Variants in SNN observed in about 807,000 individuals in gnomAD.
The protein encoded by SNN is AG8_1.
SNN carries 5 observed loss-of-function variants against 5.3 expected under a neutral mutation model. That is an observed-to-expected ratio of 0.94 (90% CI 0.49 to 1.97). SNN has a LOEUF of 1.97. Among genes scored for constraint, SNN ranks in the 30% most tolerant of loss-of-function variants. SNN has a pLI of 0.01. For synonymous variants in SNN, 67 were observed against 52.1 expected (o/e 1.29, Z -1.24); for missense variants, 127 against 121.6 (o/e 1.04, Z -0.21).
At chr16:11,675,451 G>C (rs2050294865) in intron 1 of SNN, among the ~76,000 whole-genome samples, 1 of 151,986 alleles carries the variant, frequency 6.6e-6, no homozygotes, top group Non-Finnish European at 1.5e-5. Flanking sequence ...TATTTTAGTA[G>C]ATACGAGGTT....
chr16:11,675,881 C>A, intron 1 of SNN, 94 bp from the exon 2 acceptor site: 1 of 634,878 alleles, frequency 1.6e-6, no homozygotes, highest in Non-Finnish European at 2.6e-6. Flanking sequence ...TGCTTTTTGT[C>A]AGGGTGAGGG....
rs1205977223 is a variant in SNN at position 11,668,459 on chromosome 16, G to A, written c.-167G>A. The A allele has an allele frequency of 1.4e-5, 2 of 146,380 alleles. No individual in the cohort carries two copies. The highest frequency in any genetic ancestry group is 3.0e-5 in the Non-Finnish European group (2 of 65,798). The allele number at this position is 146,380 out of a possible 1,614,324, so 9.1% of individuals were successfully genotyped here. A position where few individuals can be genotyped will look rare whatever the true frequency, so the allele number is the denominator to read the frequency against. On this transcript the variant is annotated 5_prime_UTR_variant, in exon 1 of 2. Transcript: ENST00000329565. The surrounding 1 kb of genome is among the most constrained non-coding windows in gnomAD (Gnocchi z 6.8). ...AGCGCGGGGCTCCTGCGTCCCGAGT[G>A]CGCGGCGGCCGGACCGGGCGGGCGG...
At position 11,678,381 on chromosome 16, in the gene SNN, G is replaced by A. The variant is rs1555478903; in HGVS notation, c.*2055G>A. On this transcript the variant is annotated 3_prime_UTR_variant, in exon 2 of 2. Transcript: ENST00000329565. ...CACAGCCAGCACATACACCTAGGCT[G>A]TTTTTCCTTCCTCCACACCTGAGGG... The A allele has an allele frequency of 6.0e-6, 1 of 167,108 alleles. No individual in the cohort carries two copies. The highest frequency in any genetic ancestry group is 1.5e-5 in the Non-Finnish European group (1 of 68,174). The allele number at this position is 167,108 out of a possible 1,614,324, so 10.4% of individuals were successfully genotyped here. A position where few individuals can be genotyped will look rare whatever the true frequency, so the allele number is the denominator to read the frequency against.
In SNN at chr16:11,676,961, C is replaced by G. The variant is rs2050308913; in HGVS notation, c.*635C>G. 1 of 167,770 alleles carries G rather than the reference C, an allele frequency of 6.0e-6. No homozygotes were observed. The allele number at this position is 167,770 out of a possible 1,614,324, so 10.4% of individuals were successfully genotyped here. Reference sequence around the variant, plus strand: ...AAGAAAAACCACACCCCCCGCACCCCTCCGTTCTTTCTGCATAGACTCACT... The same window carrying G: ...AAGAAAAACCACACCCCCCGCACCCGTCCGTTCTTTCTGCATAGACTCACT... On this transcript the variant is annotated 3_prime_UTR_variant, in exon 2 of 2. Transcript: ENST00000329565.
In SNN at chr16:11,676,734, C is replaced by G. The variant is rs567519149; in HGVS notation, c.*408C>G. On this transcript the variant is annotated 3_prime_UTR_variant, in exon 2 of 2. Coordinates refer to ENST00000329565, the MANE Select transcript of SNN (RefSeq NM_003498.6). Reference sequence around the variant, plus strand: ...AAAATATCATCTAGCGCACACGGGACTGGTATTCTGGCTGTACTAATGACA... The same window carrying G: ...AAAATATCATCTAGCGCACACGGGAGTGGTATTCTGGCTGTACTAATGACA... 5.0e-6 allele frequency: 1 copy of G among 198,938 alleles called. No individual in the cohort carries two copies. Among genetic ancestry groups the G allele is most frequent in the East Asian group, 1.3e-4 (1 of 7,738 alleles). 12.3% of individuals were successfully genotyped at this position (198,938 alleles called of 1,614,324 possible). A position where few individuals can be genotyped will look rare whatever the true frequency, so the allele number is the denominator to read the frequency against.
rs941354735 is a variant in SNN at position 11,676,540 on chromosome 16, G to A, written c.*214G>A. 9.9e-6 allele frequency: 6 copies of A among 607,050 alleles called. No homozygotes were observed. The Admixed American group carries it at 1.8e-4, about 18-fold the overall frequency. The allele number at this position is 607,050 out of a possible 1,614,324, so 37.6% of individuals were successfully genotyped here. A position where few individuals can be genotyped will look rare whatever the true frequency, so the allele number is the denominator to read the frequency against. On this transcript the variant is annotated 3_prime_UTR_variant, in exon 2 of 2. Transcript: ENST00000329565. The stretch of plus-strand genomic sequence containing the variant: ...GTGAGGCTGCCCATTGCAGGCACTG[G>A]GCAGGCCTGACCTTGCTGGGGCTCA...
In SNN at chr16:11,668,866, G is replaced by T. The variant is rs2050246070; in HGVS notation, c.-86+326G>T. ...CCCGCCCGTCCTCAGCTACGCTCCC[G>T]CCTTCCCCCGGCATTTCGGGGTTCT... is the stretch of plus-strand genomic sequence containing the variant. On this transcript the variant is annotated intron_variant, in intron 1 of 1. Coordinates refer to ENST00000329565, the MANE Select transcript of SNN (RefSeq NM_003498.6). The surrounding 1 kb of genome is among the most constrained non-coding windows in gnomAD (Gnocchi z 6.8). 2.0e-5 allele frequency among the ~76,000 whole-genome samples: 3 copies of T among 151,838 alleles called. No homozygotes were observed. The highest frequency in any genetic ancestry group is 4.4e-5 in the Non-Finnish European group (3 of 67,900).
In SNN at chr16:11,679,078, G is replaced by T; in HGVS notation, c.*2752G>T. The stretch of plus-strand genomic sequence containing the variant: ...TCAATAAATGCTGAATGACATTCAA[G>T]CTGATTTTCTAGACCACTGAGAAAA... On this transcript the variant is annotated 3_prime_UTR_variant, in exon 2 of 2. Coordinates refer to ENST00000329565, the MANE Select transcript of SNN (RefSeq NM_003498.6). The surrounding 1 kb of genome is among the most constrained non-coding windows in gnomAD (Gnocchi z 4.6). 1 of 1,105,296 alleles carries T rather than the reference G, an allele frequency of 9.0e-7. No homozygotes were observed. Among genetic ancestry groups the T allele is most frequent in the Non-Finnish European group, 1.3e-6 (1 of 781,150 alleles). 68.5% of individuals were successfully genotyped at this position (1,105,296 alleles called of 1,614,324 possible).
At chr16:11,674,525 C>T (rs543814884) in intron 1 of SNN, among the ~76,000 whole-genome samples, 3 of 152,358 alleles carry the variant, frequency 2.0e-5, no homozygotes, top group Admixed American at 1.3e-4. Flanking sequence ...CACTGTCCTC[C>T]GCCACTTGGC....
intron 1 of SNN, among the ~76,000 whole-genome samples, chr16:11,673,477 C>T (rs1357022079): frequency 2.6e-5 from 4 of 152,186 alleles, no homozygotes; most frequent in Non-Finnish European, 1.5e-5. Context: ...TGGTATTAAC[C>T]GGGTCAGGGT....
chr16:11,679,138 T>C lies in SNN; in HGVS notation c.*2812T>C, dbSNP rs979561855. 57 of 1,543,516 alleles carry C rather than the reference T, an allele frequency of 3.7e-5. No individual in the cohort carries two copies. Among genetic ancestry groups the C allele is most frequent in the Non-Finnish European group, 4.7e-5 (54 of 1,138,260 alleles). On this transcript the variant is annotated 3_prime_UTR_variant, in exon 2 of 2. Transcript: ENST00000329565. This position sits in a 1 kb window ranked among gnomAD's most constrained non-coding sequence, Gnocchi z 4.6. ...ACAATAAATTTCAATAAAATTTGCA[T>C]AAATATATTCCCAATGTACAATTTT...
At position 11,671,280 on chromosome 16, in the gene SNN, A is replaced by G. The variant is rs1487387545; in HGVS notation, c.-86+2740A>G. ...AGAGTCAGGACCCCCTTGGCAGAGG[A>G]TGGCAAGACTGAAGGCACATGGAGC... On this transcript the variant is annotated intron_variant, in intron 1 of 1. Transcript: ENST00000329565. The surrounding 1 kb of genome is among the most constrained non-coding windows in gnomAD (Gnocchi z 4.7). 6.6e-6 allele frequency among the ~76,000 whole-genome samples: 1 copy of G among 152,024 alleles called. No homozygotes were observed. The highest frequency in any genetic ancestry group is 2.4e-5 in the African/African-American group (1 of 41,378).
rs1345563907 is a variant in SNN, at chr16:11,676,636, C to A, written c.*310C>A. ...TTTTGATGGAGCTACTACTGTAATGCGTGAACTAACAAACCTGTGAACTGT... is the reference window on the plus strand; with the variant it reads ...TTTTGATGGAGCTACTACTGTAATGAGTGAACTAACAAACCTGTGAACTGT... On this transcript the variant is annotated 3_prime_UTR_variant, in exon 2 of 2. Transcript: ENST00000329565. 3 of 367,574 alleles carry A rather than the reference C, an allele frequency of 8.2e-6. No individual in the cohort carries two copies. The highest frequency in any genetic ancestry group is 1.1e-5 in the Non-Finnish European group (2 of 190,024). 22.8% of individuals were successfully genotyped at this position (367,574 alleles called of 1,614,324 possible). A position where few individuals can be genotyped will look rare whatever the true frequency, so the allele number is the denominator to read the frequency against.
intron 1 of SNN, among the ~76,000 whole-genome samples, chr16:11,669,514 G>A (rs965159062): frequency 6.6e-6 from 1 of 152,232 alleles, no homozygotes; most frequent in African/African-American, 2.4e-5. Context: ...TTGGGCAATG[G>A]ACTTAACTTC....
Position 11,672,812 on chromosome 16 carries a change from G to T in SNN, c.-85-3163G>T, listed in dbSNP as rs566669372. Among the ~76,000 whole-genome samples the T allele has an allele frequency of 6.6e-6, 1 of 151,998 alleles. No individual in the cohort carries two copies. Among genetic ancestry groups the T allele is most frequent in the Non-Finnish European group, 1.5e-5 (1 of 67,980 alleles). On this transcript the variant is annotated intron_variant, in intron 1 of 1. Transcript: ENST00000329565. This position sits in a 1 kb window ranked among gnomAD's most constrained non-coding sequence, Gnocchi z 6.0. The stretch of plus-strand genomic sequence containing the variant: ...TAGAGAATCCCTTTGAGCTGGGGCC[G>T]CCTGTGCCTCAGTTTCCTCATTAGT...
chr16:11,672,313 A>G lies in SNN; in HGVS notation c.-85-3662A>G, dbSNP rs1370736812. Among the ~76,000 whole-genome samples, 1 of 152,150 alleles carries G rather than the reference A, an allele frequency of 6.6e-6. No individual in the cohort carries two copies. Among genetic ancestry groups the G allele is most frequent in the Non-Finnish European group, 1.5e-5 (1 of 68,020 alleles). Reference sequence around the variant, plus strand: ...TGAGCCTAGAGAAGGGCAGGTAGCAAGGAGAGCAAATGAAGTAGGGCAAGG... The same window carrying G: ...TGAGCCTAGAGAAGGGCAGGTAGCAGGGAGAGCAAATGAAGTAGGGCAAGG... On this transcript the variant is annotated intron_variant, in intron 1 of 1. Transcript: ENST00000329565. The surrounding 1 kb of genome is among the most constrained non-coding windows in gnomAD (Gnocchi z 6.0).
At chr16:11,673,591 C>T (rs1242868542) in intron 1 of SNN, among the ~76,000 whole-genome samples, 2 of 152,184 alleles carry the variant, frequency 1.3e-5, no homozygotes, top group African/African-American at 4.8e-5. Context: ...GTGCCACCTG[C>T]CCCCAGTTGT....
chr16:11,676,020 C>T lies in SNN; in HGVS notation c.-40C>T. Reference sequence around the variant, plus strand: ...GTTCCAGCCTCACTGAGTGGCCACCCCCAAAGTGCTGCCAGCCGAGGAAGC... The same window carrying T: ...GTTCCAGCCTCACTGAGTGGCCACCTCCAAAGTGCTGCCAGCCGAGGAAGC... On this transcript the variant is annotated 5_prime_UTR_variant, in exon 2 of 2. Transcript: ENST00000329565. 6.5e-7 allele frequency: 1 copy of T among 1,542,192 alleles called. No homozygotes were observed. The highest frequency in any genetic ancestry group is 1.2e-5 in the South Asian group (1 of 80,974).
intron 1 of SNN, among the ~76,000 whole-genome samples, chr16:11,674,983 C>G (rs1200635328): frequency 6.6e-6 from 1 of 152,192 alleles, no homozygotes; most frequent in African/African-American, 2.4e-5. Flanking sequence ...GAAGCTTTCC[C>G]AAGTGCCTGT....
Sources: gnomAD v4.1 joint callset for allele counts (sites outside exome capture counted in the v4.1 genomes callset) on GRCh38, gnomAD v4.1.1 for gene constraint, Gnocchi (gnomAD v3.1) non-coding constraint, MANE v1.5 for transcripts, NCBI Gene and HGNC (gene_info 2026-07-23, HGNC 2026-07-21) for gene names.